PPARA: variants seen among roughly 807,000 people sequenced by gnomAD.
The protein encoded by PPARA is peroxisome proliferator activated receptor alpha.
A neutral mutation model predicts 42.2 loss-of-function variants in PPARA; 22 were observed. That is an observed-to-expected ratio of 0.52 (90% CI 0.37 to 0.74). The LOEUF is 0.74. PPARA is among the 30% of genes least tolerant of loss of function. PPARA has a pLI of 0.00. For missense variants in PPARA, 465 were observed against 608.2 expected (o/e 0.76, Z 2.48); for synonymous variants, 242 against 239.3 (o/e 1.01, Z -0.10).
chr22:46,235,039 GCCACATAAAATAGGCATGTTTGGTT>G lies in PPARA; in HGVS notation c.1160-91_1160-67del. On this transcript the variant is annotated intron_variant, in intron 8 of 8. Coordinates refer to ENST00000407236, the MANE Select transcript of PPARA (RefSeq NM_005036.6). The surrounding 1 kb of genome is among the most constrained non-coding windows in gnomAD (Gnocchi z 7.0). Reference sequence around the variant, plus strand: ...GCAGCTCAGTTTTTTTCTAAGAAAGGCCACATAAAATAGGCATGTTTGGTTCCTGAAACTGATAAGCAGTTCTTGG... The same window carrying G: ...GCAGCTCAGTTTTTTTCTAAGAAAGGCCTGAAACTGATAAGCAGTTCTTGG... The G allele has an allele frequency of 6.4e-7, 1 of 1,550,568 alleles. No individual in the cohort carries two copies. The highest frequency in any genetic ancestry group is 8.9e-7 in the Non-Finnish European group (1 of 1,124,308).
chr22:46,174,106 A>G (rs1601644058), intron 2 of PPARA, among the ~76,000 whole-genome samples: 1 of 150,858 alleles, frequency 6.6e-6, no homozygotes, highest in Non-Finnish European at 1.5e-5. Flanking sequence ...TGAACCCAGG[A>G]GGCAGAGGTT....
At chr22:46,168,351 C>CAAAAAAAAAAAAAAA (rs35345592) in intron 2 of PPARA, among the ~76,000 whole-genome samples, 2 of 14,380 alleles carry the variant, frequency 1.4e-4, no homozygotes, top group Admixed American at 1.1e-3. Flanking sequence ...GACTCCATCT[C>CAAAAAAAAAAAAAAA]AAAAAAAAAA....
In PPARA at chr22:46,221,575, G is replaced by A. The variant is rs1038358833; in HGVS notation, c.711+1561G>A. 2.6e-5 allele frequency among the ~76,000 whole-genome samples: 4 copies of A among 152,256 alleles called. No homozygotes were observed. Among genetic ancestry groups the A allele is most frequent in the Non-Finnish European group, 4.4e-5 (3 of 68,018 alleles). On this transcript the variant is annotated intron_variant, in intron 7 of 8. Transcript: ENST00000407236. The surrounding 1 kb of genome is among the most constrained non-coding windows in gnomAD (Gnocchi z 5.9). ...AGCACTTTGGGAGGCCAAGACAGGCGGATCACGAGGTCAGGAGATCAAGAC... is the reference window on the plus strand; with the variant it reads ...AGCACTTTGGGAGGCCAAGACAGGCAGATCACGAGGTCAGGAGATCAAGAC...
intron 1 of PPARA, chr22:46,151,067 C>T (rs539676186): frequency 6.6e-6 from 1 of 152,278 alleles, no homozygotes; most frequent in Non-Finnish European, 1.5e-5. Flanking sequence ...CGGGACTTGC[C>T]CTTTCCTCGG....
chr22:46,172,336 A>AAC (rs1403989944), intron 2 of PPARA, among the ~76,000 whole-genome samples: 5 of 151,892 alleles, frequency 3.3e-5, no homozygotes, highest in African/African-American at 9.7e-5. Flanking sequence ...AAAAAAAAAA[A>AAC]AAAACAGCAT....
chr22:46,240,557 A>G lies in PPARA; in HGVS notation c.*5177A>G. 3.8e-6 allele frequency: 1 copy of G among 265,196 alleles called. No homozygotes were observed. Among genetic ancestry groups the G allele is most frequent in the Middle Eastern group, 1.1e-3 (1 of 942 alleles). The allele number at this position is 265,196 out of a possible 1,614,324, so 16.4% of individuals were successfully genotyped here. On this transcript the variant is annotated 3_prime_UTR_variant, in exon 9 of 9. Coordinates refer to ENST00000407236, the MANE Select transcript of PPARA (RefSeq NM_005036.6). The surrounding 1 kb of genome is among the most constrained non-coding windows in gnomAD (Gnocchi z 6.0). Reference sequence around the variant, plus strand: ...CTTCTTTCACATTCAGAAAAGTAGTATAGATTCAGGAGAGGCAAGAAAATT... The same window carrying G: ...CTTCTTTCACATTCAGAAAAGTAGTGTAGATTCAGGAGAGGCAAGAAAATT...
rs1351065469 is a variant in PPARA, at chr22:46,204,490, A to G, written c.208+5899A>G. 2.6e-5 allele frequency among the ~76,000 whole-genome samples: 4 copies of G among 152,226 alleles called. No homozygotes were observed. The highest frequency in any genetic ancestry group is 5.9e-5 in the Non-Finnish European group (4 of 68,048). On this transcript the variant is annotated intron_variant, in intron 4 of 8. Transcript: ENST00000407236. This position sits in a 1 kb window ranked among gnomAD's most constrained non-coding sequence, Gnocchi z 5.2. ...TATGTTATATTCCCACTGGCAGTAT[A>G]TGGGGGAGTTCCAGTTCCTCCATAC... is the stretch of plus-strand genomic sequence containing the variant.
rs1392053521 is a variant in PPARA at position 46,239,499 on chromosome 22, A to G, written c.*4119A>G. On this transcript the variant is annotated 3_prime_UTR_variant, in exon 9 of 9. Transcript: ENST00000407236. ...CACACACAGGGGAGCAGCATCTCGT[A>G]TGACGTCTGGAAGGAACTTCGGTTG... 2.0e-5 allele frequency: 3 copies of G among 148,266 alleles called. No individual in the cohort carries two copies. The highest frequency in any genetic ancestry group is 4.5e-5 in the Non-Finnish European group (3 of 67,290). The allele number at this position is 148,266 out of a possible 1,614,324, so 9.2% of individuals were successfully genotyped here.
At chr22:46,208,917 C>CGTGT (rs59328365) in intron 4 of PPARA, among the ~76,000 whole-genome samples, 7 of 148,834 alleles carry the variant, frequency 4.7e-5, no homozygotes, top group African/African-American at 1.2e-4. Flanking sequence ...TGTGTGTGTG[C>CGTGT]GTGTGTGTGT....
chr22:46,175,645 C>T (rs1010089501), intron 2 of PPARA, among the ~76,000 whole-genome samples: 9 of 150,446 alleles, frequency 6.0e-5, no homozygotes, highest in East Asian at 2.0e-4. Flanking sequence ...ACCCGGGAGA[C>T]GGAGCTTGTA....
chr22:46,169,893 G>A (rs966281966), intron 2 of PPARA, among the ~76,000 whole-genome samples: 1 of 151,958 alleles, frequency 6.6e-6, no homozygotes. Context: ...CCAAGCACAT[G>A]TAGGCATCCT....
In PPARA at chr22:46,230,989, G is replaced by A. The variant is rs1024766317; in HGVS notation, c.712-803G>A. On this transcript the variant is annotated intron_variant, in intron 7 of 8. Coordinates refer to ENST00000407236, the MANE Select transcript of PPARA (RefSeq NM_005036.6). The surrounding 1 kb of genome is among the most constrained non-coding windows in gnomAD (Gnocchi z 5.0). ...CAGAGAATATTTAAGAATATTAAAG[G>A]TGCTTTGCTAATGTCCTCGTTAGTT... is the stretch of plus-strand genomic sequence containing the variant. 8.5e-5 allele frequency among the ~76,000 whole-genome samples: 13 copies of A among 152,154 alleles called. No individual in the cohort carries two copies. Among genetic ancestry groups the A allele is most frequent in the African/African-American group, 2.7e-4 (11 of 41,438 alleles).
chr22:46,198,696 T>C (rs1161815616), intron 4 of PPARA, 105 bp downstream of exon 4: 4 of 1,191,004 alleles, frequency 3.4e-6, no homozygotes, highest in Admixed American at 2.1e-5. Flanking sequence ...AGTCTCGCTC[T>C]GTCGCCCAGG....
In PPARA at chr22:46,207,874, G is replaced by A. The variant is rs1177545484; in HGVS notation, c.209-7299G>A. The stretch of plus-strand genomic sequence containing the variant: ...AATTTTAAAAATTTTTTGTAGAGGT[G>A]GAGACTCGCTATGTTGACCAGGCTC... On this transcript the variant is annotated intron_variant, in intron 4 of 8. Coordinates refer to ENST00000407236, the MANE Select transcript of PPARA (RefSeq NM_005036.6). 2.1e-4 allele frequency among the ~76,000 whole-genome samples: 31 copies of A among 150,420 alleles called. 1 individual carries two copies.
At chr22:46,176,996 G>A (rs1334275377) in intron 3 of PPARA, among the ~76,000 whole-genome samples, 160 bp downstream of exon 3, 2 of 152,224 alleles carry the variant, frequency 1.3e-5, no homozygotes. Flanking sequence ...AGATCACGAG[G>A]TTAGGAGATT....
rs575314397 is a variant in PPARA, at chr22:46,191,485, G to T, written c.-42-6857G>T. On this transcript the variant is annotated intron_variant, in intron 3 of 8. Transcript: ENST00000407236. This position sits in a 1 kb window ranked among gnomAD's most constrained non-coding sequence, Gnocchi z 4.6. ...GTTCCTCCCTATTGTGTTCAGTATG[G>T]TTTTTTTTTTTTTTTTCCTTTTGCT... Among the ~76,000 whole-genome samples the T allele has an allele frequency of 4.5e-4, 62 of 137,420 alleles. 1 individual carries two copies. In the South Asian group the frequency reaches 6.1e-3, roughly 14 times the overall value. 90.2% of individuals were successfully genotyped at this position (137,420 alleles called of 152,430 possible).
rs913273477 is a variant in PPARA, at chr22:46,232,746, T to G, written c.1159+507T>G. Among the ~76,000 whole-genome samples the G allele has an allele frequency of 1.3e-5, 2 of 150,190 alleles. No homozygotes were observed. Among genetic ancestry groups the G allele is most frequent in the African/African-American group, 4.9e-5 (2 of 40,764 alleles). On this transcript the variant is annotated intron_variant, in intron 8 of 8. Coordinates refer to ENST00000407236, the MANE Select transcript of PPARA (RefSeq NM_005036.6). The surrounding 1 kb of genome is among the most constrained non-coding windows in gnomAD (Gnocchi z 5.3). ...ATCCCAGCCCTTTGGGAGGCTGAGGTGGGTGGATCACTTGAGCCCAGGAGG... is the reference window on the plus strand; with the variant it reads ...ATCCCAGCCCTTTGGGAGGCTGAGGGGGGTGGATCACTTGAGCCCAGGAGG...
rs1459119759 is a variant in PPARA at position 46,160,460 on chromosome 22, C to G, written c.-127+8490C>G. Among the ~76,000 whole-genome samples the G allele has an allele frequency of 1.3e-5, 2 of 152,064 alleles. No homozygotes were observed. Among genetic ancestry groups the G allele is most frequent in the East Asian group, 3.9e-4 (2 of 5,180 alleles). ...TACAGGCACGCGCCACCATGCCTGG[C>G]TAAATTGTTGTATTTTTAGTAGAGA... On this transcript the variant is annotated intron_variant, in intron 2 of 8. Transcript: ENST00000407236. This position sits in a 1 kb window ranked among gnomAD's most constrained non-coding sequence, Gnocchi z 4.5.
chr22:46,190,739 G>T lies in PPARA; in HGVS notation c.-42-7603G>T, dbSNP rs537388425. 7.2e-5 allele frequency among the ~76,000 whole-genome samples: 11 copies of T among 152,270 alleles called. No individual in the cohort carries two copies. The highest frequency in any genetic ancestry group is 2.6e-4 in the African/African-American group (11 of 41,552). On this transcript the variant is annotated intron_variant, in intron 3 of 8. Coordinates refer to ENST00000407236, the MANE Select transcript of PPARA (RefSeq NM_005036.6). The surrounding 1 kb of genome is among the most constrained non-coding windows in gnomAD (Gnocchi z 5.6). ...CACTCCAGCCTGAGTGACAGAGAGAGACTCTGTCTCAAAAATAAAAAAGTT... is the reference window on the plus strand; with the variant it reads ...CACTCCAGCCTGAGTGACAGAGAGATACTCTGTCTCAAAAATAAAAAAGTT...
Sources: allele counts gnomAD v4.1 joint callset (sites outside exome capture counted in the v4.1 genomes callset), GRCh38; gene constraint gnomAD v4.1.1; non-coding constraint Gnocchi (gnomAD v3.1); transcripts MANE v1.5; gene names NCBI Gene and HGNC (gene_info 2026-07-23, HGNC 2026-07-21).